CTU2: variants seen among roughly 807,000 people sequenced by gnomAD.
CTU2 encodes the protein cytoplasmic tRNA 2-thiolation protein 2.
A neutral mutation model predicts 64.1 loss-of-function variants in CTU2; 80 were observed. That is an observed-to-expected ratio of 1.25 (90% CI 1.04 to 1.50). CTU2 has a LOEUF of 1.50. Among genes scored for constraint, CTU2 ranks in the 40% most tolerant of loss-of-function variants. CTU2 has a pLI of 0.00. For missense variants in CTU2, 1,110 were observed against 690.2 expected (o/e 1.61, Z -6.81); for synonymous variants, 482 against 285.3 (o/e 1.69, Z -6.95).
Position 88,714,117 on chromosome 16 carries a change from C to T in CTU2, c.1006-19C>T, listed in dbSNP as rs569260103. On this transcript the variant is annotated intron_variant, in intron 9 of 14. Transcript: ENST00000453996. ...TGGCCTCTGGGCTTTCCCATAGCCT[C>T]CAATCTGATTGTCCCTAGGCCCCTG... 6.2e-7 allele frequency: 1 copy of T among 1,611,146 alleles called. No homozygotes were observed.
rs144582653 is a variant in CTU2, at chr16:88,711,905, C to T, written c.343+210C>T. On this transcript the variant is annotated intron_variant, in intron 5 of 14. Coordinates refer to ENST00000453996, the MANE Select transcript of CTU2 (RefSeq NM_001012759.3). ...TCCATCGTTAGGTGGCATCACTGTT[C>T]CTGGAATCTAAGAACATCCTTAGAA... Among the ~76,000 whole-genome samples, 146 of 152,296 alleles carry T rather than the reference C, an allele frequency of 9.6e-4. 2 individuals carry two copies. Among genetic ancestry groups the T allele is most frequent in the African/African-American group, 3.5e-3 (144 of 41,556 alleles).
intron 2 of CTU2, chr16:88,709,120 C>A (rs1189051838): frequency 6.6e-6 from 1 of 152,160 alleles, no homozygotes; most frequent in African/African-American, 2.4e-5. Context: ...ACAAAAAATA[C>A]AACAATTAGC....
intron 2 of CTU2, chr16:88,709,142 G>C (rs1305513698): frequency 1.3e-5 from 2 of 152,258 alleles, no homozygotes; most frequent in African/African-American, 4.8e-5. Flanking sequence ...AGGCATGGTG[G>C]CATATATCTG....
intron 5 of CTU2, 79 bp downstream of exon 5, chr16:88,711,774 C>G: frequency 7.5e-7 from 1 of 1,336,076 alleles, no homozygotes; most frequent in Non-Finnish European, 1.0e-6. Context: ...TGTGGACCCT[C>G]CCTCTGGTGC....
intron 5 of CTU2, 66 bp downstream of exon 5, chr16:88,711,761 T>A: frequency 6.9e-7 from 1 of 1,444,486 alleles, no homozygotes; most frequent in Non-Finnish European, 9.6e-7. Flanking sequence ...ATCCTCCCTC[T>A]GGTGTGGACC....
chr16:88,714,835 C>T (rs201639868), intron 12 of CTU2, 25 bp from the exon 13 acceptor site: 241 of 1,612,272 alleles, frequency 1.5e-4, no homozygotes, highest in African/African-American at 9.3e-4. Flanking sequence ...CCAAGGTGGG[C>T]ACACAGCCAG....
intron 14 of CTU2, 36 bp downstream of exon 14, chr16:88,715,142 G>C (rs1410551918): frequency 2.5e-6 from 4 of 1,607,942 alleles, no homozygotes; most frequent in Non-Finnish European, 3.4e-6. Context: ...GCGTGGGTAA[G>C]GGGCCTCGGG....
chr16:88,709,857 C>T lies in CTU2; in HGVS notation c.144-81C>T, dbSNP rs576414049. ...TTTAAAGATGGAGATTGGCAAAGGA[C>T]GTCGTCACCTGGCAGCGCCTCAGGA... On this transcript the variant is annotated intron_variant, in intron 2 of 14. Coordinates refer to ENST00000453996, the MANE Select transcript of CTU2 (RefSeq NM_001012759.3). 6.3e-4 allele frequency: 711 copies of T among 1,134,094 alleles called. 2 individuals are homozygous for T. The highest frequency in any genetic ancestry group is 6.8e-4 in the Non-Finnish European group (513 of 754,542). The allele number at this position is 1,134,094 out of a possible 1,614,324, so 70.3% of individuals were successfully genotyped here. A position where few individuals can be genotyped will look rare whatever the true frequency, so the allele number is the denominator to read the frequency against.
chr16:88,709,356 T>G (rs1911139714), intron 2 of CTU2: 1 of 152,760 alleles, frequency 6.5e-6, no homozygotes, highest in African/African-American at 2.4e-5. Context: ...ACTCTGTGAG[T>G]GAGCCTCTTA....
chr16:88,714,112 A>G, intron 9 of CTU2, 24 bp from the exon 10 acceptor site: 2 of 1,608,948 alleles, frequency 1.2e-6, no homozygotes, highest in Non-Finnish European at 8.5e-7. Flanking sequence ...GCTTTCCCAT[A>G]GCCTCCAATC....
chr16:88,712,121 C>G (rs1911372118), intron 5 of CTU2, 153 bp from the exon 6 acceptor site: 4 of 743,636 alleles, frequency 5.4e-6, no homozygotes, highest in Non-Finnish European at 9.5e-6. Flanking sequence ...AAACCCCTGC[C>G]CAAAGGAAAA....
chr16:88,711,629 C>T lies in CTU2; in HGVS notation c.283-6C>T, dbSNP rs201602593. ...GGGGCTGAGTCCCTGCTGCTTCTCC[C>T]TCTAGGGCCTGAGCCAAGATTCTGC... On this transcript the variant is annotated splice_region_variant and splice_polypyrimidine_tract_variant and intron_variant, in intron 4 of 14. Coordinates refer to ENST00000453996, the MANE Select transcript of CTU2 (RefSeq NM_001012759.3). 26 of 1,602,382 alleles carry T rather than the reference C, an allele frequency of 1.6e-5. No individual in the cohort carries two copies. The East Asian group carries it at 5.2e-4, about 32-fold the overall frequency.
Position 88,714,925 on chromosome 16 carries a change from T to G in CTU2, c.1418T>G (p.Leu473Trp). The change falls in exon 13 of 15, where the codon TTG becomes TGG. Residue 473 changes from leucine (L) to tryptophan (W), a missense_variant and splice_region_variant. Transcript: ENST00000453996. ...AGCTGCCGCGTGAACATGAAGGACT[T>G]GGTGAGTACGTGCCCACCTGTCCTG... The part of the protein sequence containing the change: ...CYSCRVNMKD[L>W]PSLDPLPPYI... 1 of 1,612,604 alleles carries G rather than the reference T, an allele frequency of 6.2e-7. No homozygotes were observed. The highest frequency in any genetic ancestry group is 1.1e-5 in the South Asian group (1 of 91,088).
chr16:88,713,046 G>A, intron 7 of CTU2, 141 bp downstream of exon 7: 1 of 305,400 alleles, frequency 3.3e-6, no homozygotes, highest in Non-Finnish European at 5.0e-6. Flanking sequence ...ATGCCCCTGA[G>A]AGCCCCCCTT....
At position 88,715,107 on chromosome 16, in the gene CTU2, G is replaced by C; in HGVS notation, c.1478+1G>C. ...CTGAGGCCCAGCTCCGCACACAGAGGTACTGGGGCCCACACTGCCGTGGCG... is the reference window on the plus strand; with the variant it reads ...CTGAGGCCCAGCTCCGCACACAGAGCTACTGGGGCCCACACTGCCGTGGCG... On this transcript the variant is annotated splice_donor_variant, in intron 14 of 14. Transcript: ENST00000453996. LOFTEE classifies it high-confidence loss of function. The C allele has an allele frequency of 6.3e-7, 1 of 1,592,140 alleles. No individual in the cohort carries two copies. Among genetic ancestry groups the C allele is most frequent in the Non-Finnish European group, 8.6e-7 (1 of 1,169,362 alleles).
Position 88,712,721 on chromosome 16 carries a change from C to G in CTU2, c.553C>G (p.Gln185Glu), listed in dbSNP as rs1333642265. 1.9e-6 allele frequency: 3 copies of G among 1,609,716 alleles called. No individual in the cohort carries two copies. The South Asian group carries it at 3.3e-5, about 18-fold the overall frequency. ...KAAVDSFLQQ[Q>E]HVLGAGGGPG... The stretch of plus-strand genomic sequence containing the variant: ...GGCCGTGGACAGCTTCCTCCAGCAG[C>G]AGCATGTGCTGGGGGCCGGGGGTGG... Residue 185 changes from glutamine (Q) to glutamate (E), a missense_variant, in exon 7 of 15, where the codon CAG (glutamine) becomes GAG (glutamate). By Grantham distance (29) the Gln-to-Glu change is conservative. Transcript: ENST00000453996.
At chr16:88,712,423 C>T (rs7201610) in intron 6 of CTU2, 40 bp downstream of exon 6, 603,150 of 1,518,402 alleles carry the variant, frequency 0.4, 130,398 homozygotes, top group Non-Finnish European at 0.45. Flanking sequence ...CGGAGGTGAC[C>T]CCTGGGGGGC....
intron 5 of CTU2, 125 bp downstream of exon 5, chr16:88,711,820 G>C (rs920872304): frequency 1.7e-5 from 15 of 886,538 alleles, no homozygotes; most frequent in Non-Finnish European, 1.4e-5. Flanking sequence ...TGAGCTACTG[G>C]TGCTGCCCCT....
rs1195222187 is a variant in CTU2 at position 88,714,170 on chromosome 16, A to C, written c.1040A>C (p.Glu347Ala). ...PEKASIHRLM[E>A]AFILRLQTQF... is the part of the protein sequence containing the mutation. The stretch of plus-strand genomic sequence containing the variant: ...AAGGCCAGCATCCACCGGCTGATGG[A>C]GGCCTTCATCCTCAGGCTGCAGACC... The change falls in exon 10 of 15, where the codon GAG (glutamate) becomes GCG (alanine). Residue 347 changes from glutamate to alanine, a missense_variant. Physicochemically the swap from Glu to Ala is moderately radical, Grantham distance 107 (BLOSUM62 -1). Transcript: ENST00000453996. 6.2e-7 allele frequency: 1 copy of C among 1,612,674 alleles called. No homozygotes were observed. The highest frequency in any genetic ancestry group is 1.7e-5 in the Admixed American group (1 of 60,020).
Sources: gnomAD v4.1 joint callset for allele counts (sites outside exome capture counted in the v4.1 genomes callset) on GRCh38, gnomAD v4.1.1 for gene constraint, MANE v1.5 for transcripts, NCBI Gene and HGNC (gene_info 2026-07-23, HGNC 2026-07-21) for gene names.